The following NUP98 variants were observed in gnomAD, a reference collection of about 807,000 sequenced individuals.
NUP98 encodes nuclear pore complex protein Nup98-Nup96.
Under a neutral mutation model 191.9 loss-of-function variants are expected in NUP98, and 26 were observed. The ratio of observed to expected loss-of-function variants is 0.14; its 90% CI spans 0.10 to 0.19. The LOEUF is 0.19. Among genes scored for constraint, NUP98 ranks in the 10% least tolerant of loss-of-function variants. NUP98 has a pLI of 1.00. For missense variants in NUP98, 1,941 were observed against 2,178.8 expected (o/e 0.89, Z 2.17); for synonymous variants, 808 against 778.4 (o/e 1.04, Z -0.63).
At chr11:3,730,193 C>G (rs1407248959) in intron 14 of NUP98, among the ~76,000 whole-genome samples, 4 of 151,850 alleles carry the variant, frequency 2.6e-5, no homozygotes, top group Non-Finnish European at 4.4e-5. Flanking sequence ...CGAGATCGTG[C>G]CACTGCACTC....
chr11:3,700,636 G>A lies in NUP98; in HGVS notation c.3716C>T (p.Ala1239Val), dbSNP rs1162631750. The A allele has an allele frequency of 6.2e-7, 1 of 1,613,558 alleles. No homozygotes were observed. The highest frequency in any genetic ancestry group is 1.3e-5 in the African/African-American group (1 of 74,920). Residue 1239 changes from alanine to valine, a missense_variant, in exon 24 of 33, where the codon GCA (alanine) becomes GTA (valine). Coordinates refer to ENST00000324932, the MANE Select transcript of NUP98 (RefSeq NM_016320.5). Reference sequence around the variant, plus strand: ...TTGTGCTTCTGGTAAGTCTCCTGATGCTTCTTTAACCCAATCTGCATAGTC... The same window carrying A: ...TTGTGCTTCTGGTAAGTCTCCTGATACTTCTTTAACCCAATCTGCATAGTC... ...IHDYADWVKE[A>V]SGDLPEAQIV...
intron 8 of NUP98, among the ~76,000 whole-genome samples, chr11:3,765,573 T>C (rs2081309544): frequency 6.6e-6 from 1 of 151,740 alleles, no homozygotes; most frequent in African/African-American, 2.4e-5. Context: ...GCTGAGGCAG[T>C]CGGATCATTT....
chr11:3,772,170 C>A (rs75008168), intron 6 of NUP98, among the ~76,000 whole-genome samples: 1,830 of 152,202 alleles, frequency 0.012, 22 homozygotes, highest in African/African-American at 0.039. Flanking sequence ...TCTCAGTTTT[C>A]TTTCACAAAC....
At chr11:3,764,889 T>C (rs1352012791) in intron 8 of NUP98, among the ~76,000 whole-genome samples, 2 of 152,170 alleles carry the variant, frequency 1.3e-5, no homozygotes, top group Non-Finnish European at 2.9e-5. Flanking sequence ...GTTAGTCTTT[T>C]TTTATTGTAT....
chr11:3,682,605 G>A (rs1214828314), intron 30 of NUP98, among the ~76,000 whole-genome samples: 1 of 152,132 alleles, frequency 6.6e-6, no homozygotes, highest in African/African-American at 2.4e-5. Context: ...GGATGCAGTT[G>A]GTGGCACCCC....
At chr11:3,707,057 C>T (rs964716658) in intron 20 of NUP98, among the ~76,000 whole-genome samples, 7 of 152,288 alleles carry the variant, frequency 4.6e-5, no homozygotes, top group African/African-American at 1.7e-4. Context: ...AGTAACTTTG[C>T]TTTTTCTTAA....
In NUP98 at chr11:3,797,459, G is replaced by A; in HGVS notation, c.-88C>T. The A allele has an allele frequency of 7.1e-6, 3 of 423,788 alleles. No individual in the cohort carries two copies. The highest frequency in any genetic ancestry group is 1.2e-5 in the Non-Finnish European group (3 of 241,076). The allele number at this position is 423,788 out of a possible 1,614,324, so 26.3% of individuals were successfully genotyped here. A position where few individuals can be genotyped will look rare whatever the true frequency, so the allele number is the denominator to read the frequency against. On this transcript the variant is annotated 5_prime_UTR_variant, in exon 1 of 33. Transcript: ENST00000324932. ...CCCCTGCTGCCACCCGCCGCTCACA[G>A]AGCAGCGCGCGGCCCCCACGAAACC...
At chr11:3,753,804 C>T (rs1288598017) in intron 10 of NUP98, among the ~76,000 whole-genome samples, 2 of 117,860 alleles carry the variant, frequency 1.7e-5, no homozygotes, top group Non-Finnish European at 3.3e-5. Flanking sequence ...CCAGGTATGA[C>T]GGTGCGTGCC....
At position 3,745,490 on chromosome 11, in the gene NUP98, G is replaced by A. The variant is rs556456684; in HGVS notation, c.1268-841C>T. 3.9e-5 allele frequency among the ~76,000 whole-genome samples: 6 copies of A among 152,236 alleles called. No individual in the cohort carries two copies. The South Asian group carries it at 1.0e-3, about 26-fold the overall frequency. On this transcript the variant is annotated intron_variant, in intron 11 of 32. Coordinates refer to ENST00000324932, the MANE Select transcript of NUP98 (RefSeq NM_016320.5). Reference sequence around the variant, plus strand: ...TTGAATTTTGCTTAGGGACCTTGTTGCCGGTGGTGATTTTAGAAGTGTAAA... The same window carrying A: ...TTGAATTTTGCTTAGGGACCTTGTTACCGGTGGTGATTTTAGAAGTGTAAA...
At chr11:3,718,119 T>A (rs539414573) in intron 18 of NUP98, among the ~76,000 whole-genome samples, 4 of 152,304 alleles carry the variant, frequency 2.6e-5, no homozygotes, top group Non-Finnish European at 5.9e-5. Flanking sequence ...CTCTTCAATT[T>A]TTTGGAAGAG....
intron 30 of NUP98, among the ~76,000 whole-genome samples, chr11:3,680,185 A>C (rs552378946): frequency 7.9e-4 from 120 of 152,284 alleles, no homozygotes; most frequent in African/African-American, 2.7e-3. Context: ...AAGATAACTG[A>C]AGTCAGTTCT....
intron 1 of NUP98, among the ~76,000 whole-genome samples, chr11:3,785,192 A>C (rs893725852): frequency 2.6e-4 from 39 of 152,228 alleles, no homozygotes; most frequent in African/African-American, 8.2e-4. Flanking sequence ...AACAAACAAA[A>C]AAAAACAACC....
At chr11:3,762,510 C>A (rs2081208627) in intron 9 of NUP98, among the ~76,000 whole-genome samples, 1 of 152,024 alleles carries the variant, frequency 6.6e-6, no homozygotes, top group Non-Finnish European at 1.5e-5. Context: ...TGATCAACCC[C>A]AAAAACATTT....
At chr11:3,734,940 T>C (rs1589835580) in intron 13 of NUP98, among the ~76,000 whole-genome samples, 1 of 152,196 alleles carries the variant, frequency 6.6e-6, no homozygotes, top group Non-Finnish European at 1.5e-5. Context: ...AGAACATTAA[T>C]ATCTGCCTTA....
At chr11:3,725,884 A>T (rs377630684) in intron 14 of NUP98, among the ~76,000 whole-genome samples, 5 of 152,280 alleles carry the variant, frequency 3.3e-5, no homozygotes, top group African/African-American at 1.2e-4. Context: ...ATCGCTGATC[A>T]TGGCTCACTA....
intron 28 of NUP98, among the ~76,000 whole-genome samples, chr11:3,690,353 G>A (rs1219283369): frequency 2.0e-5 from 3 of 151,582 alleles, no homozygotes; most frequent in African/African-American, 7.3e-5. Flanking sequence ...TCTGCCTCCC[G>A]GGTTCACGCC....
chr11:3,740,882 G>A (rs974720445), intron 12 of NUP98, among the ~76,000 whole-genome samples: 2 of 151,398 alleles, frequency 1.3e-5, no homozygotes, highest in Non-Finnish European at 2.9e-5. Flanking sequence ...GTAGCGGCGT[G>A]ACGTCGGCTC....
At position 3,768,493 on chromosome 11, in the gene NUP98, T is replaced by G. The variant is rs370273826; in HGVS notation, c.948+88A>C. On this transcript the variant is annotated intron_variant, in intron 8 of 32. Transcript: ENST00000324932. ...CAACTCTTAAGATTTGCAGTACAGG[T>G]AGAATTTGCTAGTTTGACATGATTA... 31 of 1,201,174 alleles carry G rather than the reference T, an allele frequency of 2.6e-5. No homozygotes were observed. The East Asian group carries it at 2.6e-4, about 10-fold the overall frequency. The allele number at this position is 1,201,174 out of a possible 1,614,324, so 74.4% of individuals were successfully genotyped here.
intron 12 of NUP98, among the ~76,000 whole-genome samples, chr11:3,737,321 CAAAAAA>C (rs34718372): frequency 2.7e-5 from 3 of 111,968 alleles, no homozygotes; most frequent in Non-Finnish European, 5.5e-5. Flanking sequence ...GCAGTAATAA[CAAAAAA>C]AAAAAAAAAA....
Sources: allele counts gnomAD v4.1 joint callset (sites outside exome capture counted in the v4.1 genomes callset), GRCh38; gene constraint gnomAD v4.1.1; transcripts MANE v1.5; gene names NCBI Gene and HGNC (gene_info 2026-07-23, HGNC 2026-07-21).